The following KHDRBS1 variants were observed in gnomAD, a reference collection of about 807,000 sequenced individuals.
KHDRBS1 encodes the protein KH domain-containing, RNA-binding, signal transduction-associated protein 1.
KHDRBS1 carries 7 observed loss-of-function variants against 48.4 expected under a neutral mutation model. The observed-to-expected ratio is 0.14, with a 90% confidence interval of 0.08 to 0.27. The LOEUF is 0.27. KHDRBS1 is among the 10% of genes least tolerant of loss of function. The pLI is 1.00. For synonymous variants in KHDRBS1, 241 were observed against 235.8 expected (o/e 1.02, Z -0.20); for missense variants, 458 against 601.2 (o/e 0.76, Z 2.49).
At chr1:32,039,002 T>C (rs1639235404) in intron 7 of KHDRBS1, among the ~76,000 whole-genome samples, 1 of 152,234 alleles carries the variant, frequency 6.6e-6, no homozygotes, top group Non-Finnish European at 1.5e-5. Flanking sequence ...AATGCCTTTA[T>C]GTTATTTTGA....
At chr1:32,028,873 C>G (rs1022005518) in intron 1 of KHDRBS1, among the ~76,000 whole-genome samples, 2 of 151,752 alleles carry the variant, frequency 1.3e-5, no homozygotes, top group Admixed American at 1.3e-4. Context: ...TCCTTGGGCA[C>G]TCTGCCCTCA....
At chr1:32,056,009 C>T (rs149611884) in intron 10 of KHDRBS1, among the ~76,000 whole-genome samples, 64 of 152,222 alleles carry the variant, frequency 4.2e-4, no homozygotes, top group Admixed American at 2.1e-3. Context: ...CTTTCGTATA[C>T]AGCTCTCTTC....
chr1:32,058,191 CA>C (rs1320349941), intron 10 of KHDRBS1, among the ~76,000 whole-genome samples: 1 of 151,292 alleles, frequency 6.6e-6, no homozygotes, highest in Non-Finnish European at 1.5e-5. Flanking sequence ...GGGCTCAAGA[CA>C]TCCTCTCACC....
chr1:32,014,461 C>T (rs1183608082), intron 1 of KHDRBS1, 84 bp downstream of exon 1: 6 of 1,224,736 alleles, frequency 4.9e-6, no homozygotes, highest in Non-Finnish European at 6.2e-6. Flanking sequence ...CGCTTCCCGC[C>T]CCCTCGGGAC....
intron 4 of KHDRBS1, among the ~76,000 whole-genome samples, chr1:32,036,053 G>A (rs1392338423): frequency 6.6e-6 from 1 of 151,726 alleles, no homozygotes; most frequent in Non-Finnish European, 1.5e-5. Context: ...TCTAGAGTCT[G>A]CCATTTATTA....
chr1:32,059,617 C>T lies in KHDRBS1; in HGVS notation n.1302-546C>T, dbSNP rs1175212087. Among the ~76,000 whole-genome samples the T allele has an allele frequency of 3.9e-5, 6 of 152,018 alleles. No individual in the cohort carries two copies. In the East Asian group the frequency reaches 1.2e-3, roughly 29 times the overall value. On this transcript the variant is annotated intron_variant and non_coding_transcript_variant, in intron 10 of 10. Transcript: ENST00000484270. ...CATGAGATCAAGCCCCTTCCCTGTG[C>T]CGCAGATTTAAGATGCGTCTCCTCT...
At chr1:32,038,210 C>T in intron 6 of KHDRBS1, 174 bp downstream of exon 6, 1 of 980,786 alleles carries the variant, frequency 1.0e-6, no homozygotes, top group Non-Finnish European at 1.5e-6. Context: ...CCATTTTAGG[C>T]AGGGTTTTAC....
At chr1:32,019,878 TCTC>T (rs1485568947) in intron 1 of KHDRBS1, among the ~76,000 whole-genome samples, 2 of 152,090 alleles carry the variant, frequency 1.3e-5, no homozygotes, top group Non-Finnish European at 2.9e-5. Flanking sequence ...TTCAAGCAGT[TCTC>T]CTGCCTCAGC....
At chr1:32,033,099 G>A (rs1639112728) in intron 3 of KHDRBS1, 89 bp from the exon 4 acceptor site, 2 of 918,622 alleles carry the variant, frequency 2.2e-6, no homozygotes, top group South Asian at 1.4e-5. Flanking sequence ...GGACATTAGG[G>A]GTATTTCTTG....
rs1423683015 is a variant in KHDRBS1 at position 32,036,808 on chromosome 1, T to A, written c.772-102T>A. 4 of 1,278,684 alleles carry A rather than the reference T, an allele frequency of 3.1e-6. No homozygotes were observed. In the Admixed American group the frequency reaches 9.3e-5, roughly 30 times the overall value. The allele number at this position is 1,278,684 out of a possible 1,614,324, so 79.2% of individuals were successfully genotyped here. A position where few individuals can be genotyped will look rare whatever the true frequency, so the allele number is the denominator to read the frequency against. On this transcript the variant is annotated intron_variant, in intron 4 of 8. Transcript: ENST00000327300. Reference sequence around the variant, plus strand: ...GAATGACCTGAGACCTCATCTGGGCTCTCAAGAGCTCTTCTTAGAATTCAA... The same window carrying A: ...GAATGACCTGAGACCTCATCTGGGCACTCAAGAGCTCTTCTTAGAATTCAA...
chr1:32,017,520 G>C (rs938475932), intron 1 of KHDRBS1, among the ~76,000 whole-genome samples: 2 of 149,976 alleles, frequency 1.3e-5, no homozygotes, highest in Non-Finnish European at 3.0e-5. Context: ...TTCTGGAAGA[G>C]AAATAATTTA....
chr1:32,047,271 G>A (rs975060164), downstream of KHDRBS1, among the ~76,000 whole-genome samples: 2 of 152,168 alleles, frequency 1.3e-5, no homozygotes, highest in Non-Finnish European at 2.9e-5. Flanking sequence ...CGATTCCCCT[G>A]CCTCAGCCTC....
intron 5 of KHDRBS1, 131 bp downstream of exon 5, chr1:32,037,174 A>G (rs1639199690): frequency 2.0e-6 from 2 of 985,306 alleles, no homozygotes; most frequent in Admixed American, 2.7e-5. Flanking sequence ...ACAGAATTCT[A>G]CAACCATACT....
Position 32,031,588 on chromosome 1 carries a change from C to A in KHDRBS1, c.572C>A (p.Thr191Asn). The change falls in exon 3 of 9, where the codon ACT (threonine) becomes AAT (asparagine). Residue 191 changes from threonine (T) to asparagine (N), a missense_variant. Coordinates refer to ENST00000327300, the MANE Select transcript of KHDRBS1 (RefSeq NM_006559.3). ...ACAATCAAAAGACTGCAGGAAGAGA[C>A]TGGTGCAAAGATCTCTGTATTGGGA... is the stretch of plus-strand genomic sequence containing the variant. ...GNTIKRLQEE[T>N]GAKISVLGKG... 6.2e-7 allele frequency: 1 copy of A among 1,612,146 alleles called. No homozygotes were observed. The highest frequency in any genetic ancestry group is 8.5e-7 in the Non-Finnish European group (1 of 1,179,464).
At chr1:32,041,802 C>T (rs758265001) in intron 8 of KHDRBS1, among the ~76,000 whole-genome samples, 34 of 152,200 alleles carry the variant, frequency 2.2e-4, no homozygotes, top group African/African-American at 6.7e-4. Context: ...GTTGGTCAGG[C>T]TGGTCTCGAA....
chr1:32,025,864 C>T (rs1190572523), intron 1 of KHDRBS1, among the ~76,000 whole-genome samples: 1 of 150,492 alleles, frequency 6.6e-6, no homozygotes. Flanking sequence ...CCCACCACAG[C>T]CTCCTGAGTA....
downstream of KHDRBS1, among the ~76,000 whole-genome samples, chr1:32,046,510 C>T (rs1404014976): frequency 1.3e-5 from 2 of 152,160 alleles, no homozygotes; most frequent in African/African-American, 2.4e-5. Flanking sequence ...CCACCACACC[C>T]GGCTGGGAAA....
At chr1:32,022,381 T>C (rs986384391) in intron 1 of KHDRBS1, among the ~76,000 whole-genome samples, 30 of 152,128 alleles carry the variant, frequency 2.0e-4, no homozygotes, top group African/African-American at 7.2e-4. Context: ...TTACAGACAC[T>C]CAGCAATGGA....
At chr1:32,018,414 T>A (rs1237392346) in intron 1 of KHDRBS1, among the ~76,000 whole-genome samples, 2 of 150,882 alleles carry the variant, frequency 1.3e-5, no homozygotes, top group African/African-American at 4.9e-5. Context: ...TGAGCCAAGA[T>A]CGCACCACTG....
Sources: allele counts gnomAD v4.1 joint callset (sites outside exome capture counted in the v4.1 genomes callset), GRCh38; gene constraint gnomAD v4.1.1; transcripts MANE v1.5; gene names NCBI Gene and HGNC (gene_info 2026-07-23, HGNC 2026-07-21).